Variants in ABI2 observed in about 807,000 individuals in gnomAD.
The protein encoded by ABI2 is abelson interactor 2.
In ABI2, 25 loss-of-function variants were observed where a neutral mutation model predicts 59.2. That is an observed-to-expected ratio of 0.42 (90% confidence interval 0.31 to 0.59). The LOEUF (loss-of-function observed/expected upper bound fraction) is 0.59. Among genes scored for constraint, ABI2 ranks in the 20% least tolerant of loss-of-function variants. ABI2 has a pLI of 0.14. For missense variants in ABI2, 545 were observed against 681.8 expected, an observed-to-expected ratio of 0.80 and a Z score of 2.23; for synonymous variants, 213 against 235.5, an observed-to-expected ratio of 0.90 and a Z score of 0.87.
intron 1 of ABI2, among the ~76,000 whole-genome samples, chr2:203,359,974 C>G (rs1269609907): frequency 6.6e-6 from 1 of 151,924 alleles, no homozygotes; most frequent in African/African-American, 2.4e-5. Context: ...ATCATGAGGT[C>G]AAGAGATTGA....
chr2:203,351,142 C>A (rs555158837), intron 1 of ABI2, among the ~76,000 whole-genome samples: 1 of 152,082 alleles, frequency 6.6e-6, no homozygotes, highest in Non-Finnish European at 1.5e-5. Context: ...TTGGCATCTT[C>A]GTCAAAAATT....
intron 1 of ABI2, among the ~76,000 whole-genome samples, chr2:203,329,757 GAC>G (rs138925504): frequency 5.1e-4 from 77 of 149,606 alleles, no homozygotes; most frequent in African/African-American, 1.9e-3. Context: ...TTCTTTTTGA[GAC>G]ACAACCTCGT....
chr2:203,415,887 T>C (rs750848761), intron 10 of ABI2, among the ~76,000 whole-genome samples: 2 of 152,182 alleles, frequency 1.3e-5, no homozygotes, highest in Non-Finnish European at 2.9e-5. Context: ...TTACTATATA[T>C]TGGTATGCAA....
Position 203,344,937 on chromosome 2 carries a change from A to G in ABI2, c.117+16306A>G, listed in dbSNP as rs534754644. Among the ~76,000 whole-genome samples the G allele has an allele frequency of 1.9e-4, 29 of 151,960 alleles. No homozygotes were observed. The South Asian group carries it at 6.0e-3, about 32-fold the overall frequency. ...AATCAGCGCTCTGTAAAATGGACCA[A>G]CCAGTGCTCTGTAAAATGGACCAAC... On this transcript the variant is annotated intron_variant, in intron 1 of 11. Coordinates refer to ENST00000261018, the MANE Select transcript of ABI2 (RefSeq NM_001375670.1).
intron 10 of ABI2, among the ~76,000 whole-genome samples, chr2:203,414,339 T>C (rs1047102456): frequency 6.6e-6 from 1 of 152,124 alleles, no homozygotes; most frequent in Non-Finnish European, 1.5e-5. Context: ...TGAGCTCAAA[T>C]GATCCTCCTG....
At chr2:203,408,759 A>G (rs909057421) in intron 9 of ABI2, among the ~76,000 whole-genome samples, 2 of 143,450 alleles carry the variant, frequency 1.4e-5, no homozygotes, top group African/African-American at 5.2e-5. Context: ...CCTTGTCTCT[A>G]CTCTTCTAGT....
intron 1 of ABI2, among the ~76,000 whole-genome samples, chr2:203,337,391 T>C (rs2076942094): frequency 6.6e-6 from 1 of 152,202 alleles, no homozygotes; most frequent in South Asian, 2.1e-4. Context: ...TTTCCATTTA[T>C]AACAGCAGAA....
chr2:203,344,104 T>A (rs2152557552), intron 1 of ABI2, among the ~76,000 whole-genome samples: 1 of 152,318 alleles, frequency 6.6e-6, no homozygotes, highest in South Asian at 2.1e-4. Context: ...AAATGTCAAA[T>A]GTTACTATTC....
intron 4 of ABI2, among the ~76,000 whole-genome samples, chr2:203,382,953 A>G (rs1164903064): frequency 6.6e-6 from 1 of 152,194 alleles, no homozygotes; most frequent in Non-Finnish European, 1.5e-5. Context: ...ATTCGTTTCA[A>G]TAATGTTTTG....
chr2:203,367,484 T>C (rs1003453656), intron 2 of ABI2: 2 of 151,462 alleles, frequency 1.3e-5, no homozygotes, highest in Admixed American at 1.3e-4. Flanking sequence ...GCAAACCTTA[T>C]GAAATTATTT....
At chr2:203,390,608 G>GGT (rs752983581) in intron 4 of ABI2, among the ~76,000 whole-genome samples, 76 of 151,904 alleles carry the variant, frequency 5.0e-4, no homozygotes, top group Non-Finnish European at 4.4e-4. Context: ...CTCCAGCCTG[G>GGT]GTAACAAAGC....
intron 4 of ABI2, among the ~76,000 whole-genome samples, chr2:203,386,691 A>G (rs1359370484): frequency 2.2e-4 from 30 of 134,934 alleles, no homozygotes; most frequent in African/African-American, 7.7e-4. Context: ...CCCAAGGTGG[A>G]GTGCAGTGGC....
At position 203,409,376 on chromosome 2, in the gene ABI2, CTT is replaced by C. The variant is rs901383200; in HGVS notation, c.1193-1908_1193-1907del. Among the ~76,000 whole-genome samples the C allele has an allele frequency of 1.1e-4, 16 of 152,276 alleles. No individual in the cohort carries two copies. The East Asian group carries it at 2.3e-3, about 22-fold the overall frequency. ...GATATTCAAGATTATCTGCTTAACT[CTT>C]GTCTGTGCATTTATATGTCCTCCCT... On this transcript the variant is annotated intron_variant, in intron 9 of 11. Coordinates refer to ENST00000261018, the MANE Select transcript of ABI2 (RefSeq NM_001375670.1).
At chr2:203,426,825 A>G (rs1559404331) in intron 11 of ABI2, among the ~76,000 whole-genome samples, 1 of 151,174 alleles carries the variant, frequency 6.6e-6, no homozygotes, top group Non-Finnish European at 1.5e-5. Context: ...GTATCTCAAC[A>G]CAAACTCAAA....
rs10581610 is a variant in ABI2, at chr2:203,400,079, CTTTTTTTTTT to C, written c.1034-2478_1034-2469del. On this transcript the variant is annotated intron_variant, in intron 8 of 11. Transcript: ENST00000261018. ...GACTCATTAATAGTGTGAATAGTGTCTTTTTTTTTTTTTTTTTTTTTTTTTTTTGAGACAG... is the reference window on the plus strand; with the variant it reads ...GACTCATTAATAGTGTGAATAGTGTCTTTTTTTTTTTTTTTTTTGAGACAG... 1.3e-4 allele frequency among the ~76,000 whole-genome samples: 8 copies of C among 59,510 alleles called. No homozygotes were observed. In the East Asian group the frequency reaches 1.7e-3, roughly 13 times the overall value. The allele number at this position is 59,510 out of a possible 152,430, so 39.0% of individuals were successfully genotyped here.
rs2092283629 is a variant in ABI2, at chr2:203,357,018, AAAT to A, written c.118-9855_118-9853del. 2.1e-5 allele frequency among the ~76,000 whole-genome samples: 3 copies of A among 146,072 alleles called. No individual in the cohort carries two copies. The South Asian group carries it at 7.1e-4, about 34-fold the overall frequency. ...AAAACTAAAAAACGATTACTTCTTC[AAAT>A]AATGAGGAAAGCGTTTTTAAAATTT... On this transcript the variant is annotated intron_variant, in intron 1 of 11. Coordinates refer to ENST00000261018, the MANE Select transcript of ABI2 (RefSeq NM_001375670.1).
intron 4 of ABI2, chr2:203,386,640 CTT>C (rs537240194): frequency 1.1e-4 from 13 of 121,712 alleles, no homozygotes; most frequent in Non-Finnish European, 1.9e-4. Flanking sequence ...GTAGACATTG[CTT>C]TTTTTTTTTT....
chr2:203,370,186 TTCTCTCTC>T (rs71007509), intron 2 of ABI2, among the ~76,000 whole-genome samples: 10,683 of 136,604 alleles, frequency 0.078, 866 homozygotes, highest in African/African-American at 0.21. Flanking sequence ...CATTCTCCTA[TTCTCTCTC>T]TCTCTCTCTC....
At chr2:203,375,812 G>A (rs1421835411) in intron 2 of ABI2, 1 of 316,262 alleles carries the variant, frequency 3.2e-6, no homozygotes, top group Non-Finnish European at 5.8e-6. Context: ...AGAATCTTCT[G>A]GACCAACCTG....
Sources: allele counts gnomAD v4.1 joint callset (sites outside exome capture counted in the v4.1 genomes callset), GRCh38; gene constraint gnomAD v4.1.1; transcripts MANE v1.5; gene names NCBI Gene and HGNC (gene_info 2026-07-23, HGNC 2026-07-21).